Variants in MAGI1 observed in about 807,000 individuals in gnomAD.
The protein encoded by MAGI1 is membrane-associated guanylate kinase, WW and PDZ domain-containing protein 1.
Under a neutral mutation model 139.9 loss-of-function variants are expected in MAGI1, and 58 were observed. That is an observed-to-expected ratio of 0.41 (90% CI 0.34 to 0.52). The LOEUF is 0.52. Among genes scored for constraint, MAGI1 ranks in the 20% least tolerant of loss-of-function variants. The pLI is 0.12. For missense variants in MAGI1, 1,874 were observed against 1,901.6 expected, an observed-to-expected ratio of 0.99 and a Z score of 0.27; for synonymous variants, 812 against 737.9, an observed-to-expected ratio of 1.10 and a Z score of -1.63.
chr3:65,588,069 G>A (rs1410347212), intron 2 of MAGI1, among the ~76,000 whole-genome samples: 1 of 152,038 alleles, frequency 6.6e-6, no homozygotes, highest in African/African-American at 2.4e-5. Context: ...GCCCCAAATC[G>A]CTGGCTCATC....
chr3:65,554,183 C>G (rs746744636), intron 2 of MAGI1, among the ~76,000 whole-genome samples: 6 of 152,162 alleles, frequency 3.9e-5, no homozygotes, highest in Non-Finnish European at 7.3e-5. Context: ...GGAGAGACAT[C>G]ACTTCCCTTT....
At chr3:65,433,469 T>G (rs1451282839) in intron 10 of MAGI1, among the ~76,000 whole-genome samples, 1 of 152,138 alleles carries the variant, frequency 6.6e-6, no homozygotes, top group Non-Finnish European at 1.5e-5. Flanking sequence ...TTTATGCACA[T>G]TTTATTATTT....
intron 1 of MAGI1, among the ~76,000 whole-genome samples, chr3:65,644,113 C>G (rs1319036348): frequency 3.3e-5 from 5 of 152,096 alleles, no homozygotes; most frequent in African/African-American, 1.2e-4. Flanking sequence ...ACTTCTACCC[C>G]CACTGGACTG....
chr3:66,036,366 AG>A (rs2068920658), intron 1 of MAGI1, among the ~76,000 whole-genome samples: 1 of 152,160 alleles, frequency 6.6e-6, no homozygotes, highest in South Asian at 2.1e-4. Context: ...AAACCTGGAG[AG>A]GTATGCCAGG....
At chr3:65,367,050 A>C (rs1941488380) in intron 18 of MAGI1, among the ~76,000 whole-genome samples, 1 of 152,204 alleles carries the variant, frequency 6.6e-6, no homozygotes, top group South Asian at 2.1e-4. Flanking sequence ...CAGAACTTTC[A>C]TAAACACGTG....
At chr3:65,914,716 G>T (rs1410833997) in intron 1 of MAGI1, among the ~76,000 whole-genome samples, 1 of 152,198 alleles carries the variant, frequency 6.6e-6, no homozygotes, top group Non-Finnish European at 1.5e-5. Context: ...ACAAAGTTGA[G>T]AACAGTATCA....
chr3:65,486,118 T>A (rs979680664), intron 3 of MAGI1, among the ~76,000 whole-genome samples: 5 of 152,214 alleles, frequency 3.3e-5, no homozygotes, highest in African/African-American at 1.2e-4. Flanking sequence ...TCTTCACCCC[T>A]ATTTTATCTC....
chr3:65,950,217 G>A (rs1166989931), intron 1 of MAGI1, among the ~76,000 whole-genome samples: 2 of 149,982 alleles, frequency 1.3e-5, no homozygotes, highest in African/African-American at 4.9e-5. Context: ...GTTAGGAGAT[G>A]AAAGTAGACT....
At chr3:65,923,447 G>C (rs905304506) in intron 1 of MAGI1, among the ~76,000 whole-genome samples, 1 of 151,840 alleles carries the variant, frequency 6.6e-6, no homozygotes, top group Non-Finnish European at 1.5e-5. Context: ...GGATGGTCTC[G>C]ATCTCTTGAC....
intron 18 of MAGI1, among the ~76,000 whole-genome samples, chr3:65,374,313 C>T (rs371220799): frequency 4.2e-5 from 4 of 95,106 alleles, no homozygotes; most frequent in Admixed American, 1.5e-4. Flanking sequence ...ATCAACTTAA[C>T]TTTTTTTTTT....
intron 14 of MAGI1, among the ~76,000 whole-genome samples, chr3:65,386,732 T>A (rs1269271921): frequency 6.6e-6 from 1 of 152,198 alleles, no homozygotes; most frequent in East Asian, 1.9e-4. Flanking sequence ...CTAAATCAAA[T>A]AGAGCTAAGA....
chr3:65,508,247 C>G (rs1011631663), intron 2 of MAGI1, among the ~76,000 whole-genome samples: 1 of 151,854 alleles, frequency 6.6e-6, no homozygotes, highest in East Asian at 1.9e-4. Flanking sequence ...ACTAAAAATA[C>G]GAAAAAGTTA....
chr3:65,457,158 G>C (rs1292638430), intron 5 of MAGI1, among the ~76,000 whole-genome samples: 1 of 151,894 alleles, frequency 6.6e-6, no homozygotes, highest in Non-Finnish European at 1.5e-5. Context: ...TATCAATTCT[G>C]AGTCTTCCTG....
chr3:65,545,915 G>C (rs2079475995), intron 2 of MAGI1, among the ~76,000 whole-genome samples: 1 of 151,800 alleles, frequency 6.6e-6, no homozygotes, highest in Non-Finnish European at 1.5e-5. Context: ...AAACTCAGGG[G>C]AACCAGGTCC....
At chr3:65,612,577 T>A (rs1022711410) in intron 2 of MAGI1, among the ~76,000 whole-genome samples, 1 of 152,128 alleles carries the variant, frequency 6.6e-6, no homozygotes, top group Non-Finnish European at 1.5e-5. Flanking sequence ...ACAATTGACG[T>A]TTTCTTGTTT....
intron 13 of MAGI1, among the ~76,000 whole-genome samples, chr3:65,393,235 T>C (rs966703470): frequency 1.3e-5 from 2 of 152,178 alleles, no homozygotes; most frequent in Admixed American, 6.5e-5. Context: ...TTCTTTTGCA[T>C]GCACATGGGA....
intron 12 of MAGI1, chr3:65,401,994 A>T (rs1333173924): frequency 3.0e-6 from 2 of 667,460 alleles, no homozygotes; most frequent in African/African-American, 2.0e-5. Context: ...TGCTTTCTTT[A>T]TTTGGATGAG....
intron 1 of MAGI1, among the ~76,000 whole-genome samples, chr3:65,903,562 C>A (rs926279493): frequency 7.2e-5 from 11 of 152,152 alleles, no homozygotes; most frequent in African/African-American, 2.7e-4. Flanking sequence ...CGCATGCCTG[C>A]ACGTACACAC....
intron 1 of MAGI1, among the ~76,000 whole-genome samples, chr3:65,910,854 A>AGTTTTTTTTTTTTTT (rs1560003976): frequency 8.4e-5 from 1 of 11,904 alleles, no homozygotes; most frequent in Non-Finnish European, 1.4e-4. Flanking sequence ...GACATGGTGG[A>AGTTTTTTTTTTTTTT]CTTTTTTTTT....
Sources: gnomAD v4.1 joint callset for allele counts (sites outside exome capture counted in the v4.1 genomes callset) on GRCh38, gnomAD v4.1.1 for gene constraint, MANE v1.5 for transcripts, NCBI Gene and HGNC (gene_info 2026-07-23, HGNC 2026-07-21) for gene names.